PAX6: variants seen among roughly 807,000 people sequenced by gnomAD.
The protein encoded by PAX6 is paired box protein Pax-6.
Under a neutral mutation model 60.7 loss-of-function variants are expected in PAX6, and 7 were observed. The observed-to-expected ratio is 0.12, with a 90% confidence interval of 0.07 to 0.22. The LOEUF is 0.22. Among genes scored for constraint, PAX6 ranks in the 10% least tolerant of loss-of-function variants. The pLI is 1.00. For missense variants in PAX6, 355 were observed against 555.2 expected, an observed-to-expected ratio of 0.64 and a Z score of 3.62; for synonymous variants, 208 against 201.2, an observed-to-expected ratio of 1.03 and a Z score of -0.29.
intron 8 of PAX6, among the ~76,000 whole-genome samples, chr11:31,796,753 GAA>G (rs1329165543): frequency 1.3e-5 from 2 of 152,018 alleles, no homozygotes; most frequent in African/African-American, 4.8e-5. Context: ...ATGCTGAGAG[GAA>G]AAAGAGACAC....
At chr11:31,804,618 T>C (rs930603804) in intron 4 of PAX6, 6 of 152,378 alleles carry the variant, frequency 3.9e-5, no homozygotes, top group East Asian at 1.9e-4. Flanking sequence ...CTTCCTTTTA[T>C]TGCCTTCCTT....
intron 12 of PAX6, 185 bp downstream of exon 12, chr11:31,793,253 G>A: frequency 2.8e-6 from 2 of 702,408 alleles, no homozygotes; most frequent in African/African-American, 1.7e-5. Context: ...TTTAGGGCAT[G>A]AATTAATGAG....
chr11:31,803,634 C>G (rs576566621), intron 4 of PAX6: 1 of 152,574 alleles, frequency 6.6e-6, no homozygotes, highest in East Asian at 1.9e-4. Context: ...CAGCCACAGA[C>G]AAGTCCGGCC....
chr11:31,799,048 TC>T (rs1952657473), intron 8 of PAX6, among the ~76,000 whole-genome samples: 1 of 152,216 alleles, frequency 6.6e-6, no homozygotes, highest in South Asian at 2.1e-4. Flanking sequence ...CAGACTCTTG[TC>T]AGGGGAGGGA....
At chr11:31,806,677 C>T (rs932968060) in intron 3 of PAX6, 172 bp downstream of exon 3, 6 of 532,002 alleles carry the variant, frequency 1.1e-5, no homozygotes, top group Admixed American at 3.2e-5. Context: ...ACTGGAATAT[C>T]CCCAATCTGT....
At position 31,799,935 on chromosome 11, in the gene PAX6, C is replaced by A. The variant is rs527296368; in HGVS notation, c.565+756G>T. On this transcript the variant is annotated intron_variant, in intron 8 of 13. Transcript: ENST00000640368. ...GTGGAGGGGAGCGGAGGGGAGCCAA[C>A]TGACCCTCCCCTCCGCCCCACCCCC... Among the ~76,000 whole-genome samples the A allele has an allele frequency of 6.0e-5, 9 of 150,940 alleles. No individual in the cohort carries two copies. The South Asian group carries it at 1.9e-3, about 32-fold the overall frequency.
rs2071754 is a variant in PAX6 at position 31,791,034 on chromosome 11, C to T, written c.1075-174G>A. ...AAGATTGGGCCTCGAGCTAGTCCTT[C>T]CACTGGCCACAGCTAGAAGAAAGCT... On this transcript the variant is annotated intron_variant, in intron 12 of 13. Coordinates refer to ENST00000640368, the MANE Select transcript of PAX6 (RefSeq NM_001368894.2). The T allele has an allele frequency of 0.74, 566,359 of 762,266 alleles. 215,595 individuals are homozygous for T. Among genetic ancestry groups the T allele is most frequent in the Non-Finnish European group, 0.81 (357,061 of 442,242 alleles). 47.2% of individuals were successfully genotyped at this position (762,266 alleles called of 1,614,324 possible).
intron 5 of PAX6, 43 bp downstream of exon 5, chr11:31,802,661 A>AG (rs1554985683): frequency 6.3e-7 from 1 of 1,592,776 alleles, no homozygotes; most frequent in African/African-American, 1.3e-5. Context: ...TTGAGAGTGG[A>AG]GGGCCGCGGG....
intron 9 of PAX6, chr11:31,794,404 AACACACACACACACACC>A (rs1360517326): frequency 3.4e-6 from 2 of 596,482 alleles, no homozygotes; most frequent in Admixed American, 5.8e-5. Flanking sequence ...GAAAAGAAGA[AACACACACACACACACC>A]ACACACACAC....
chr11:31,792,623 C>T (rs1053684097), intron 12 of PAX6: 2 of 152,932 alleles, frequency 1.3e-5, no homozygotes, highest in African/African-American at 4.8e-5. Context: ...GACATTTTTC[C>T]TATCAAGAAT....
At chr11:31,793,361 A>G in intron 12 of PAX6, 77 bp downstream of exon 12, 2 of 1,222,598 alleles carry the variant, frequency 1.6e-6, no homozygotes, top group Non-Finnish European at 1.2e-6. Flanking sequence ...GACACAGCCA[A>G]TGAGGTCCGC....
chr11:31,794,869 T>C lies in PAX6; in HGVS notation c.566-81A>G, dbSNP rs1453038593. On this transcript the variant is annotated intron_variant, in intron 8 of 13. Transcript: ENST00000640368. The stretch of plus-strand genomic sequence containing the variant: ...AAAGGGGCCTGGTGTAGTCTTAAAC[T>C]CCAAGAGCATTATATCCCGACAGCC... 2.7e-5 allele frequency: 35 copies of C among 1,309,620 alleles called. No homozygotes were observed. In the South Asian group the frequency reaches 3.9e-4, roughly 15 times the overall value. The allele number at this position is 1,309,620 out of a possible 1,614,324, so 81.1% of individuals were successfully genotyped here.
intron 5 of PAX6, 92 bp downstream of exon 5, chr11:31,802,612 T>G (rs1954400123): frequency 7.0e-7 from 1 of 1,426,654 alleles, no homozygotes. Flanking sequence ...GGGGGGTCCA[T>G]AATTAGCATC....
At chr11:31,816,544 T>C (rs1565287578) in intron 1 of PAX6, 1 of 702,596 alleles carries the variant, frequency 1.4e-6, no homozygotes, top group Non-Finnish European at 2.6e-6. Context: ...GATTTATGAC[T>C]GGAGGAGAAG....
rs1446487836 is a variant in PAX6 at position 31,789,869 on chromosome 11, T to C, written c.*65A>G. On this transcript the variant is annotated 3_prime_UTR_variant, in exon 14 of 14. Coordinates refer to ENST00000640368, the MANE Select transcript of PAX6 (RefSeq NM_001368894.2). ...TTCTTTCCTGAAAGCTCAACTGTTG[T>C]GTCCCCATAGTCACTGACTGAATTA... The C allele has an allele frequency of 2.1e-6, 3 of 1,404,018 alleles. No individual in the cohort carries two copies. Among genetic ancestry groups the C allele is most frequent in the Non-Finnish European group, 3.0e-6 (3 of 1,006,936 alleles). The allele number at this position is 1,404,018 out of a possible 1,614,324, so 87.0% of individuals were successfully genotyped here.
intron 8 of PAX6, among the ~76,000 whole-genome samples, chr11:31,798,339 C>T (rs1458141663): frequency 6.6e-6 from 1 of 152,158 alleles, no homozygotes; most frequent in Non-Finnish European, 1.5e-5. Context: ...TTTTATTCAC[C>T]GCCGCATGGC....
At chr11:31,800,950 C>T (rs181736171) in intron 7 of PAX6, 94 bp from the exon 8 acceptor site, 38 of 1,362,184 alleles carry the variant, frequency 2.8e-5, no homozygotes, top group Admixed American at 7.0e-5. Flanking sequence ...AAGCAACTCT[C>T]AACCCGTTAA....
intron 13 of PAX6, 61 bp downstream of exon 13, chr11:31,790,649 T>C: frequency 6.2e-7 from 1 of 1,610,066 alleles, no homozygotes; most frequent in East Asian, 2.2e-5. Flanking sequence ...AGATTCTGTT[T>C]GGGTAAACTT....
In PAX6 at chr11:31,794,420, CCACACACACACACACACACACA is replaced by C. The variant is rs10525266; in HGVS notation, c.724+188_724+209del. ...AAAAGAAGAAACACACACACACACA[CCACACACACACACACACACACA>C]CACACACACACACACACACACACAC... On this transcript the variant is annotated intron_variant, in intron 9 of 13. Coordinates refer to ENST00000640368, the MANE Select transcript of PAX6 (RefSeq NM_001368894.2). 61,866 of 506,100 alleles carry C rather than the reference CCACACACACACACACACACACA, an allele frequency of 0.12. 362 individuals carry two copies. Among genetic ancestry groups the C allele is most frequent in the South Asian group, 0.14 (5,697 of 42,102 alleles). 31.4% of individuals were successfully genotyped at this position (506,100 alleles called of 1,614,324 possible). A position where few individuals can be genotyped will look rare whatever the true frequency, so the allele number is the denominator to read the frequency against.
Sources: gnomAD v4.1 joint callset for allele counts (sites outside exome capture counted in the v4.1 genomes callset) on GRCh38, gnomAD v4.1.1 for gene constraint, MANE v1.5 for transcripts, NCBI Gene and HGNC (gene_info 2026-07-23, HGNC 2026-07-21) for gene names.